Variants in SLC26A7 observed in about 807,000 individuals in gnomAD.
SLC26A7 encodes anion exchange transporter.
SLC26A7 carries 59 observed loss-of-function variants against 82.5 expected under a neutral mutation model. The ratio of observed to expected loss-of-function variants is 0.72; its 90% CI spans 0.58 to 0.89. SLC26A7 has a LOEUF of 0.89. Among genes scored for constraint, SLC26A7 ranks in the 40% least tolerant of loss-of-function variants. The pLI, the probability that SLC26A7 is intolerant of heterozygous loss-of-function variation, is 0.00. For synonymous variants in SLC26A7, 271 were observed against 274.3 expected (o/e 0.99, Z 0.12); for missense variants, 820 against 793.0 (o/e 1.03, Z -0.41).
At chr8:91,321,761 TAAACTTTAAAGATTACATC>T (rs1201249798) in intron 5 of SLC26A7, among the ~76,000 whole-genome samples, 2 of 152,198 alleles carry the variant, frequency 1.3e-5, no homozygotes, top group African/African-American at 4.8e-5. Context: ...TAGTTCTTTG[TAAACTTTAAAGATTACATC>T]AATGTGTTCT....
chr8:91,294,041 CATGATTTATTG>C (rs1811948610), intron 3 of SLC26A7, among the ~76,000 whole-genome samples: 1 of 152,110 alleles, frequency 6.6e-6, no homozygotes, highest in Non-Finnish European at 1.5e-5. Flanking sequence ...GGACAGTGGT[CATGATTTATTG>C]ATGATTTATT....
At chr8:91,220,466 G>A (rs967723768) in intron 2 of SLC26A7, among the ~76,000 whole-genome samples, 8 of 150,396 alleles carry the variant, frequency 5.3e-5, no homozygotes, top group African/African-American at 1.7e-4. Flanking sequence ...GTGGTTTGCC[G>A]CCCCTATTGA....
At position 91,256,580 on chromosome 8, in the gene SLC26A7, A is replaced by T. The variant is rs1586327623; in HGVS notation, c.193+6736A>T. On this transcript the variant is annotated intron_variant, in intron 2 of 18. Transcript: ENST00000276609. Reference sequence around the variant, plus strand: ...TAATGTGCCTCTACAGTTTCCCAGGACCTCCACAGCCTGACAATGAAGCCA... The same window carrying T: ...TAATGTGCCTCTACAGTTTCCCAGGTCCTCCACAGCCTGACAATGAAGCCA... Among the ~76,000 whole-genome samples, 4 of 152,158 alleles carry T rather than the reference A, an allele frequency of 2.6e-5. No homozygotes were observed. The East Asian group carries it at 7.8e-4, about 30-fold the overall frequency.
intron 1 of SLC26A7, among the ~76,000 whole-genome samples, chr8:91,211,208 A>G (rs1809909951): frequency 6.6e-6 from 1 of 152,116 alleles, no homozygotes; most frequent in Non-Finnish European, 1.5e-5. Context: ...TTTTTAAAGG[A>G]AAATTGTTTT....
chr8:91,291,399 T>C (rs1811864478), intron 3 of SLC26A7, among the ~76,000 whole-genome samples: 1 of 152,142 alleles, frequency 6.6e-6, no homozygotes. Context: ...AATAATTAAT[T>C]ATAAATTATT....
rs372075855 is a variant in SLC26A7, at chr8:91,330,133, A to G, written c.643-4162A>G. Among the ~76,000 whole-genome samples, 10 of 152,260 alleles carry G rather than the reference A, an allele frequency of 6.6e-5. No homozygotes were observed. In the South Asian group the frequency reaches 1.2e-3, roughly 19 times the overall value. On this transcript the variant is annotated intron_variant, in intron 5 of 18. Transcript: ENST00000276609. ...TATTAATGTATCTGATTACATAACT[A>G]GTGGGTTCTTTTGTTATTGTCATTT...
At chr8:91,250,613 A>G (rs1344095991) in intron 2 of SLC26A7, among the ~76,000 whole-genome samples, 1 of 152,154 alleles carries the variant, frequency 6.6e-6, no homozygotes, top group Non-Finnish European at 1.5e-5. Flanking sequence ...ACCTGTAGCA[A>G]GGAAAGGAAC....
chr8:91,333,516 T>C lies in SLC26A7; in HGVS notation c.643-779T>C, dbSNP rs78324061. Among the ~76,000 whole-genome samples, 96 of 152,294 alleles carry C rather than the reference T, an allele frequency of 6.3e-4. No individual in the cohort carries two copies. In the East Asian group the frequency reaches 0.012, roughly 20 times the overall value. Reference sequence around the variant, plus strand: ...TAGGCAGAACATTTTCCCAGGTTTCTTCATTTACCCCCTCTATCATCTATA... The same window carrying C: ...TAGGCAGAACATTTTCCCAGGTTTCCTCATTTACCCCCTCTATCATCTATA... On this transcript the variant is annotated intron_variant, in intron 5 of 18. Coordinates refer to ENST00000276609, the MANE Select transcript of SLC26A7 (RefSeq NM_052832.4).
intron 18 of SLC26A7, chr8:91,394,430 T>A: frequency 7.1e-7 from 1 of 1,417,136 alleles, no homozygotes; most frequent in Non-Finnish European, 9.2e-7. Context: ...ATCTTGCCTC[T>A]AAGCTTATAT....
chr8:91,352,208 T>C (rs1407415495), intron 10 of SLC26A7, among the ~76,000 whole-genome samples: 5 of 152,126 alleles, frequency 3.3e-5, no homozygotes, highest in African/African-American at 1.2e-4. Flanking sequence ...AAACTTTGAC[T>C]GTTAGAAAAA....
At chr8:91,258,307 A>C (rs996978746) in intron 2 of SLC26A7, among the ~76,000 whole-genome samples, 2 of 152,054 alleles carry the variant, frequency 1.3e-5, no homozygotes, top group Non-Finnish European at 2.9e-5. Context: ...CACAATCTCA[A>C]TGTCTCCCAG....
chr8:91,393,637 T>G (rs1477890728), intron 16 of SLC26A7, among the ~76,000 whole-genome samples, 160 bp from the exon 17 acceptor site: 1 of 152,196 alleles, frequency 6.6e-6, no homozygotes, highest in Non-Finnish European at 1.5e-5. Flanking sequence ...TTTTAGACGC[T>G]TGCCAGATTA....
intron 15 of SLC26A7, among the ~76,000 whole-genome samples, chr8:91,371,664 A>G (rs1001774129): frequency 5.9e-5 from 9 of 151,898 alleles, no homozygotes; most frequent in African/African-American, 2.2e-4. Context: ...TGACTTTTCT[A>G]TTGTGAATAG....
intron 1 of SLC26A7, among the ~76,000 whole-genome samples, chr8:91,212,563 G>A (rs1278688817): frequency 6.6e-6 from 1 of 152,088 alleles, no homozygotes; most frequent in Admixed American, 6.5e-5. Context: ...TGCCAGTAAT[G>A]AAACATAAGA....
intron 7 of SLC26A7, among the ~76,000 whole-genome samples, chr8:91,338,484 ATAT>A (rs902179579): frequency 1.4e-4 from 21 of 152,192 alleles, no homozygotes; most frequent in Non-Finnish European, 2.6e-4. Flanking sequence ...ATTTGCAAAT[ATAT>A]TATTAACAAA....
chr8:91,254,038 T>C (rs1257760160), intron 2 of SLC26A7, among the ~76,000 whole-genome samples: 1 of 152,128 alleles, frequency 6.6e-6, no homozygotes, highest in Non-Finnish European at 1.5e-5. Context: ...ATACAAGTAA[T>C]TGATTTTTTC....
chr8:91,283,512 G>T (rs1811628882), intron 2 of SLC26A7, among the ~76,000 whole-genome samples: 1 of 152,136 alleles, frequency 6.6e-6, no homozygotes, highest in African/African-American at 2.4e-5. Flanking sequence ...ATGTAGCACA[G>T]GATTGAATCT....
intron 15 of SLC26A7, among the ~76,000 whole-genome samples, chr8:91,387,063 C>CATAAATATCT: frequency 6.6e-6 from 1 of 151,944 alleles, no homozygotes; most frequent in Admixed American, 6.6e-5. Flanking sequence ...AGAAAGTTTA[C>CATAAATATCT]CTAATATTTA....
intron 1 of SLC26A7, among the ~76,000 whole-genome samples, chr8:91,214,093 G>T (rs1809991467): frequency 6.6e-6 from 1 of 152,122 alleles, no homozygotes; most frequent in African/African-American, 2.4e-5. Flanking sequence ...GAAGAGAAGA[G>T]AAGCTGAAGA....
Sources: gnomAD v4.1 joint callset for allele counts (sites outside exome capture counted in the v4.1 genomes callset) on GRCh38, gnomAD v4.1.1 for gene constraint, MANE v1.5 for transcripts, NCBI Gene and HGNC (gene_info 2026-07-23, HGNC 2026-07-21) for gene names.